GPC6: variants seen among roughly 807,000 people sequenced by gnomAD.
The protein encoded by GPC6 is glypican 6.
Under a neutral mutation model 55.2 loss-of-function variants are expected in GPC6, and 14 were observed. That is an observed-to-expected ratio of 0.25 (90% confidence interval 0.17 to 0.40). The LOEUF (loss-of-function observed/expected upper bound fraction) is 0.40. Among genes scored for constraint, GPC6 ranks in the 10% least tolerant of loss-of-function variants. GPC6 has a pLI of 1.00. For synonymous variants in GPC6, 278 were observed against 259.6 expected (o/e 1.07, Z -0.68); for missense variants, 641 against 708.5 (o/e 0.90, Z 1.08).
chr13:94,100,548 C>G (rs968102417), intron 4 of GPC6, among the ~76,000 whole-genome samples: 3 of 152,136 alleles, frequency 2.0e-5, no homozygotes, highest in African/African-American at 7.2e-5. Flanking sequence ...GTCCTAGAAC[C>G]TTGCAGAGCT....
chr13:94,127,597 T>C (rs899957878), intron 4 of GPC6, among the ~76,000 whole-genome samples: 5 of 152,168 alleles, frequency 3.3e-5, no homozygotes, highest in Non-Finnish European at 4.4e-5. Flanking sequence ...AAGAACTACC[T>C]AATACAGTGG....
At chr13:93,467,981 T>C (rs1878976314) in intron 1 of GPC6, among the ~76,000 whole-genome samples, 1 of 152,092 alleles carries the variant, frequency 6.6e-6, no homozygotes, top group Non-Finnish European at 1.5e-5. Flanking sequence ...TAGCTGAACC[T>C]GAAAACTCTT....
At chr13:93,243,567 C>T (rs1876506087) in intron 1 of GPC6, among the ~76,000 whole-genome samples, 1 of 152,166 alleles carries the variant, frequency 6.6e-6, no homozygotes, top group South Asian at 2.1e-4. Context: ...CAGGTGCGAG[C>T]ACCAGCTCTG....
At chr13:94,270,145 T>C (rs558883373) in intron 4 of GPC6, among the ~76,000 whole-genome samples, 1 of 152,228 alleles carries the variant, frequency 6.6e-6, no homozygotes, top group Non-Finnish European at 1.5e-5. Context: ...CTATGAGAAT[T>C]CTATACCTAA....
chr13:93,617,477 A>T (rs1566451796), intron 2 of GPC6, among the ~76,000 whole-genome samples: 1 of 152,090 alleles, frequency 6.6e-6, no homozygotes, highest in Non-Finnish European at 1.5e-5. Context: ...CATTTTTCTG[A>T]TCAGAGCAGG....
At chr13:93,791,706 T>A (rs1056623974) in intron 2 of GPC6, among the ~76,000 whole-genome samples, 1 of 152,148 alleles carries the variant, frequency 6.6e-6, no homozygotes, top group Non-Finnish European at 1.5e-5. Flanking sequence ...TAAAAGCCAC[T>A]GCTGACACAC....
At chr13:93,993,989 G>A (rs1045573802) in intron 3 of GPC6, among the ~76,000 whole-genome samples, 32 of 152,162 alleles carry the variant, frequency 2.1e-4, no homozygotes, top group Admixed American at 2.1e-3. Context: ...ATCAAATGAT[G>A]TGTTCTTTAT....
chr13:93,963,150 T>C (rs1879864763), intron 3 of GPC6, among the ~76,000 whole-genome samples: 1 of 152,172 alleles, frequency 6.6e-6, no homozygotes, highest in African/African-American at 2.4e-5. Context: ...TTGTTCCCAA[T>C]CCTCTAGATT....
chr13:93,955,686 T>A (rs934534187), intron 3 of GPC6, among the ~76,000 whole-genome samples: 1 of 152,180 alleles, frequency 6.6e-6, no homozygotes, highest in Non-Finnish European at 1.5e-5. Context: ...TCTAGTAACA[T>A]GTTCTTTGGA....
chr13:93,461,522 G>T (rs1878687505), intron 1 of GPC6, among the ~76,000 whole-genome samples: 1 of 152,078 alleles, frequency 6.6e-6, no homozygotes, highest in Non-Finnish European at 1.5e-5. Flanking sequence ...CACTATATAA[G>T]TATAGCACAT....
intron 2 of GPC6, among the ~76,000 whole-genome samples, chr13:93,587,665 C>G (rs1468862635): frequency 6.6e-6 from 1 of 152,048 alleles, no homozygotes; most frequent in African/African-American, 2.4e-5. Flanking sequence ...TGGAGTCCTG[C>G]TCTCAGTACT....
At chr13:93,891,812 T>A (rs1447181865) in intron 3 of GPC6, among the ~76,000 whole-genome samples, 1 of 152,010 alleles carries the variant, frequency 6.6e-6, no homozygotes, top group Non-Finnish European at 1.5e-5. Flanking sequence ...TGGCTTAGTA[T>A]ATCTGTCATA....
chr13:93,388,857 A>G (rs964640330), intron 1 of GPC6, among the ~76,000 whole-genome samples: 2 of 152,184 alleles, frequency 1.3e-5, no homozygotes, highest in African/African-American at 2.4e-5. Flanking sequence ...CATCTAGGAA[A>G]GGGCTTGGCA....
At chr13:93,509,012 GA>G (rs1880840713) in intron 1 of GPC6, among the ~76,000 whole-genome samples, 2 of 152,316 alleles carry the variant, frequency 1.3e-5, no homozygotes, top group South Asian at 4.1e-4. Context: ...ACTCCACTGG[GA>G]AGATGGAGGG....
chr13:94,106,805 A>G (rs1316233120), intron 4 of GPC6, among the ~76,000 whole-genome samples: 5 of 152,190 alleles, frequency 3.3e-5, no homozygotes, highest in Non-Finnish European at 1.5e-5. Context: ...GAGATTGGCA[A>G]CTAGAAAACA....
intron 1 of GPC6, among the ~76,000 whole-genome samples, chr13:93,254,063 C>A (rs1252687799): frequency 6.6e-6 from 1 of 152,112 alleles, no homozygotes; most frequent in African/African-American, 2.4e-5. Context: ...GTGGCTCACG[C>A]CTATAATTCA....
chr13:94,006,398 G>C (rs1487699184), intron 3 of GPC6, among the ~76,000 whole-genome samples: 1 of 152,132 alleles, frequency 6.6e-6, no homozygotes, highest in Non-Finnish European at 1.5e-5. Flanking sequence ...CTACTCCTCA[G>C]ACCCGAGGCT....
chr13:93,494,252 G>T (rs1267336988), intron 1 of GPC6, among the ~76,000 whole-genome samples: 4 of 134,804 alleles, frequency 3.0e-5, no homozygotes, highest in Admixed American at 2.3e-4. Flanking sequence ...TCCTCTTGTT[G>T]AATTGATCCC....
intron 1 of GPC6, among the ~76,000 whole-genome samples, chr13:93,308,158 G>A (rs571230580): frequency 1.5e-4 from 23 of 152,172 alleles, no homozygotes; most frequent in African/African-American, 3.4e-4. Flanking sequence ...GGTGGCGGGC[G>A]CCTGCAGTCC....
Sources: allele counts gnomAD v4.1 joint callset (sites outside exome capture counted in the v4.1 genomes callset), GRCh38; gene constraint gnomAD v4.1.1; transcripts MANE v1.5; gene names NCBI Gene and HGNC (gene_info 2026-07-23, HGNC 2026-07-21).